NWD2: variants seen among roughly 807,000 people sequenced by gnomAD.
NWD2 encodes the protein NACHT and WD repeat domain-containing protein 2.
Under a neutral mutation model 132.7 loss-of-function variants are expected in NWD2, and 37 were observed. That is an observed-to-expected ratio of 0.28 (90% confidence interval 0.21 to 0.37). The LOEUF (loss-of-function observed/expected upper bound fraction) is 0.37, where lower values mean the gene tolerates loss of function less well. Ranked by LOEUF, NWD2 falls within the 10% of genes least tolerant of loss-of-function variation. The pLI is 1.00. For missense variants in NWD2, 1,592 were observed against 2,122.4 expected, an observed-to-expected ratio of 0.75 and a Z score of 4.91; for synonymous variants, 705 against 803.0, an observed-to-expected ratio of 0.88 and a Z score of 2.06.
At chr4:37,425,447 T>C (rs1711974376) in intron 3 of NWD2, among the ~76,000 whole-genome samples, 1 of 152,232 alleles carries the variant, frequency 6.6e-6, no homozygotes, top group Middle Eastern at 3.2e-3. Flanking sequence ...AATTTAAATG[T>C]GTTTCCACAT....
chr4:37,384,625 G>T (rs1294241275), intron 3 of NWD2, among the ~76,000 whole-genome samples: 3 of 152,228 alleles, frequency 2.0e-5, no homozygotes, highest in Non-Finnish European at 4.4e-5. Context: ...GGTGTTCACA[G>T]TGCACATGGA....
chr4:37,437,869 TAA>T (rs551040588), intron 5 of NWD2, among the ~76,000 whole-genome samples: 38 of 152,342 alleles, frequency 2.5e-4, no homozygotes, highest in Admixed American at 7.8e-4. Context: ...AGTTATATAC[TAA>T]GTCACTTTTT....
intron 1 of NWD2, among the ~76,000 whole-genome samples, chr4:37,262,224 A>G (rs1180411476): frequency 6.6e-6 from 1 of 152,172 alleles, no homozygotes; most frequent in African/African-American, 2.4e-5. Context: ...ATAGAAGTCA[A>G]CTTTACCCAC....
intron 1 of NWD2, among the ~76,000 whole-genome samples, chr4:37,248,402 C>T (rs1717287412): frequency 6.6e-6 from 1 of 152,072 alleles, no homozygotes; most frequent in Admixed American, 6.5e-5. Context: ...CTGACTAGTC[C>T]CCACCTCATG....
At chr4:37,316,328 T>C (rs991024231) in intron 1 of NWD2, among the ~76,000 whole-genome samples, 1 of 152,218 alleles carries the variant, frequency 6.6e-6, no homozygotes, top group East Asian at 1.9e-4. Flanking sequence ...TGGCTTCCAC[T>C]CCTTCTGATG....
chr4:37,417,094 A>G (rs1354650658), intron 3 of NWD2, among the ~76,000 whole-genome samples: 1 of 152,242 alleles, frequency 6.6e-6, no homozygotes, highest in Non-Finnish European at 1.5e-5. Flanking sequence ...CCTGTTCCCC[A>G]AAAACCTATC....
chr4:37,348,675 T>TAG (rs1308407988), intron 2 of NWD2, among the ~76,000 whole-genome samples: 1 of 22,572 alleles, frequency 4.4e-5, no homozygotes, highest in African/African-American at 1.8e-4. Flanking sequence ...TATATATATA[T>TAG]ACACACACAC....
At chr4:37,289,256 A>C (rs1264023746) in intron 1 of NWD2, among the ~76,000 whole-genome samples, 1 of 152,212 alleles carries the variant, frequency 6.6e-6, no homozygotes, top group Non-Finnish European at 1.5e-5. Flanking sequence ...GTTTGGGATG[A>C]TATAAATTGG....
intron 4 of NWD2, among the ~76,000 whole-genome samples, chr4:37,431,992 A>G (rs1431958750): frequency 8.7e-5 from 1 of 11,482 alleles, no homozygotes; most frequent in Non-Finnish European, 3.3e-4. Flanking sequence ...TCCATTAATG[A>G]AGCTCCCTTT....
At chr4:37,361,016 A>T (rs2889465) in intron 3 of NWD2, among the ~76,000 whole-genome samples, 73,382 of 151,888 alleles carry the variant, frequency 0.48, 18,183 homozygotes, top group Admixed American at 0.59. Context: ...ATCCTCAGGG[A>T]CTATACAAAA....
Position 37,244,764 on chromosome 4 carries a change from C to G in NWD2, c.-304C>G, listed in dbSNP as rs1717190722. The stretch of plus-strand genomic sequence containing the variant: ...GCGCAAACGGGCGCTGCGCGCGTAG[C>G]CGCCGCCACGCTGACCTCCCGCTCC... On this transcript the variant is annotated 5_prime_UTR_variant, in exon 1 of 7. Transcript: ENST00000309447. This position sits in a 1 kb window ranked among gnomAD's most constrained non-coding sequence, Gnocchi z 5.5. 3.2e-6 allele frequency: 1 copy of G among 314,356 alleles called. No individual in the cohort carries two copies. The highest frequency in any genetic ancestry group is 2.2e-5 in the African/African-American group (1 of 45,780). The allele number at this position is 314,356 out of a possible 1,614,324, so 19.5% of individuals were successfully genotyped here. A position where few individuals can be genotyped will look rare whatever the true frequency, so the allele number is the denominator to read the frequency against.
intron 2 of NWD2, among the ~76,000 whole-genome samples, chr4:37,354,832 C>G (rs756407735): frequency 3.9e-5 from 6 of 152,156 alleles, no homozygotes; most frequent in Non-Finnish European, 8.8e-5. Context: ...ATGTAAAACA[C>G]CTGGAAAGAT....
At chr4:37,404,793 G>A (rs1453539587) in intron 3 of NWD2, among the ~76,000 whole-genome samples, 1 of 152,224 alleles carries the variant, frequency 6.6e-6, no homozygotes, top group Non-Finnish European at 1.5e-5. Context: ...CAAAGGAGGA[G>A]CAAGACGTCT....
At chr4:37,383,486 C>A (rs1465806895) in intron 3 of NWD2, among the ~76,000 whole-genome samples, 1 of 152,220 alleles carries the variant, frequency 6.6e-6, no homozygotes, top group South Asian at 2.1e-4. Flanking sequence ...ACCTGAACTG[C>A]TCTATTATTG....
At chr4:37,254,589 C>G (rs1717473187) in intron 1 of NWD2, among the ~76,000 whole-genome samples, 1 of 152,150 alleles carries the variant, frequency 6.6e-6, no homozygotes, top group East Asian at 1.9e-4. Context: ...GTGATATTAA[C>G]TTAAAGACAC....
intron 1 of NWD2, among the ~76,000 whole-genome samples, chr4:37,316,397 G>A (rs1468625307): frequency 6.6e-6 from 1 of 151,342 alleles, no homozygotes; most frequent in Non-Finnish European, 1.5e-5. Flanking sequence ...TTTTTCTCTT[G>A]GTGTCAAGAT....
At chr4:37,401,539 A>G (rs1231160231) in intron 3 of NWD2, among the ~76,000 whole-genome samples, 4 of 152,164 alleles carry the variant, frequency 2.6e-5, no homozygotes, top group Non-Finnish European at 2.9e-5. Flanking sequence ...TGGGCTCCTC[A>G]TTGATCCCTC....
chr4:37,446,010 A>G lies in NWD2; in HGVS notation c.4022A>G (p.His1341Arg). The change falls in exon 7 of 7, where the codon CAT becomes CGT. Residue 1341 changes from histidine to arginine, a missense_variant. Transcript: ENST00000309447. This position sits in a 1 kb window ranked among gnomAD's most constrained non-coding sequence, Gnocchi z 6.7. Reference sequence around the variant, plus strand: ...TCCCTGGATGGATCCGATTGTGTTCATAAGTGGAACTTCAGCAGTGGCTTC... The same window carrying G: ...TCCCTGGATGGATCCGATTGTGTTCGTAAGTGGAACTTCAGCAGTGGCTTC... ...IYSLDGSDCV[H>R]KWNFSSGFIE... 6.4e-7 allele frequency: 1 copy of G among 1,551,794 alleles called. No homozygotes were observed. The highest frequency in any genetic ancestry group is 8.7e-7 in the Non-Finnish European group (1 of 1,147,014).
intron 1 of NWD2, among the ~76,000 whole-genome samples, chr4:37,270,169 A>G (rs535849268): frequency 1.3e-5 from 2 of 151,756 alleles, no homozygotes; most frequent in Admixed American, 1.3e-4. Context: ...TAACCATTCT[A>G]TGTTATAAAA....
Sources: gnomAD v4.1 joint callset for allele counts (sites outside exome capture counted in the v4.1 genomes callset) on GRCh38, gnomAD v4.1.1 for gene constraint, Gnocchi (gnomAD v3.1) non-coding constraint, MANE v1.5 for transcripts, NCBI Gene and HGNC (gene_info 2026-07-23, HGNC 2026-07-21) for gene names.